The following DCDC1 variants were observed in gnomAD, a reference collection of about 807,000 sequenced individuals.
DCDC1 encodes the protein doublecortin domain containing 1.
In DCDC1, 200 loss-of-function variants were observed where a neutral mutation model predicts 178.3. The observed-to-expected ratio is 1.12, with a 90% CI of 1.00 to 1.26. The LOEUF (loss-of-function observed/expected upper bound fraction) is 1.26. DCDC1 is among the 50% of genes most tolerant of loss of function. The probability of loss-of-function intolerance (pLI) is 0.00; values close to 1 mark genes in which losing one functional copy is unlikely to be tolerated. For synonymous variants in DCDC1, 690 were observed against 604.8 expected (o/e 1.14, Z -2.07); for missense variants, 1,983 against 1,749.2 (o/e 1.13, Z -2.38).
intron 9 of DCDC1, among the ~76,000 whole-genome samples, chr11:31,226,514 T>G (rs560726149): frequency 2.0e-5 from 3 of 150,760 alleles, no homozygotes; most frequent in African/African-American, 7.3e-5. Context: ...AAGTGATCAA[T>G]ATAAATTCTT....
intron 7 of DCDC1, among the ~76,000 whole-genome samples, chr11:31,288,068 A>G (rs995227026): frequency 6.6e-6 from 1 of 151,994 alleles, no homozygotes; most frequent in African/African-American, 2.4e-5. Context: ...TTTTTCATAA[A>G]AGAAATGCTA....
At chr11:31,085,896 A>T (rs976078625) in intron 17 of DCDC1, among the ~76,000 whole-genome samples, 3 of 151,990 alleles carry the variant, frequency 2.0e-5, no homozygotes, top group Non-Finnish European at 2.9e-5. Context: ...TTAGTTAAAA[A>T]TTTTTAATTT....
intron 1 of DCDC1, among the ~76,000 whole-genome samples, chr11:31,342,836 A>T (rs536275936): frequency 6.6e-6 from 1 of 152,354 alleles, no homozygotes; most frequent in Admixed American, 6.5e-5. Flanking sequence ...TTTGAATATA[A>T]CTATTCAAAA....
At chr11:31,215,879 T>A (rs75477688) in intron 9 of DCDC1, among the ~76,000 whole-genome samples, 3,131 of 152,184 alleles carry the variant, frequency 0.021, 96 homozygotes, top group African/African-American at 0.07. Context: ...CCTTTGTTAG[T>A]TTCATAAACA....
chr11:31,118,105 A>G (rs1591107143), intron 11 of DCDC1, among the ~76,000 whole-genome samples: 1 of 152,022 alleles, frequency 6.6e-6, no homozygotes, highest in Non-Finnish European at 1.5e-5. Context: ...CTCAAATTTT[A>G]TTTTACTAGG....
chr11:31,334,965 G>C (rs548274770), intron 2 of DCDC1, among the ~76,000 whole-genome samples: 1 of 152,326 alleles, frequency 6.6e-6, no homozygotes, highest in Non-Finnish European at 1.5e-5. Flanking sequence ...TAAGTCTGCA[G>C]AAGTTTTTGC....
At chr11:31,228,470 T>A (rs891341904) in intron 9 of DCDC1, among the ~76,000 whole-genome samples, 1 of 152,056 alleles carries the variant, frequency 6.6e-6, no homozygotes, top group African/African-American at 2.4e-5. Flanking sequence ...TAGAAAGGTC[T>A]AAATCAATTA....
intron 20 of DCDC1, among the ~76,000 whole-genome samples, chr11:30,985,673 T>C (rs1477473375): frequency 6.6e-6 from 1 of 152,146 alleles, no homozygotes; most frequent in Non-Finnish European, 1.5e-5. Flanking sequence ...TGAGTTGCAC[T>C]GAGGAAGGTG....
At chr11:31,356,992 G>A (rs1296492726) in intron 1 of DCDC1, among the ~76,000 whole-genome samples, 2 of 151,660 alleles carry the variant, frequency 1.3e-5, no homozygotes, top group African/African-American at 4.8e-5. Context: ...ATTCACAGCC[G>A]AATTCTACCA....
intron 21 of DCDC1, among the ~76,000 whole-genome samples, chr11:30,945,584 T>G (rs2134424956): frequency 6.6e-6 from 1 of 151,962 alleles, no homozygotes; most frequent in South Asian, 2.1e-4. Flanking sequence ...TCCCAGCTAC[T>G]TAGGAGGCAG....
At chr11:31,035,899 G>A (rs1406732987) in intron 20 of DCDC1, among the ~76,000 whole-genome samples, 1 of 152,060 alleles carries the variant, frequency 6.6e-6, no homozygotes, top group Non-Finnish European at 1.5e-5. Context: ...TATTTATTCA[G>A]GATGCGTTTA....
At chr11:31,213,242 G>A (rs752026954) in intron 9 of DCDC1, among the ~76,000 whole-genome samples, 1 of 149,092 alleles carries the variant, frequency 6.7e-6, no homozygotes, top group South Asian at 2.1e-4. Flanking sequence ...CAGTCTGGTT[G>A]GATATTTTCT....
intron 33 of DCDC1, 90 bp from the exon 34 acceptor site, chr11:30,899,732 G>T: frequency 1.1e-6 from 1 of 916,880 alleles, no homozygotes; most frequent in Non-Finnish European, 1.5e-6. Flanking sequence ...CAAAGAAATA[G>T]ATTCAATTAG....
At chr11:31,270,848 A>G (rs1415492215) in intron 7 of DCDC1, among the ~76,000 whole-genome samples, 1 of 152,160 alleles carries the variant, frequency 6.6e-6, no homozygotes, top group African/African-American at 2.4e-5. Flanking sequence ...TTTACTACAC[A>G]TAGCTTGCAA....
At chr11:30,916,792 T>C (rs1275930253) in intron 26 of DCDC1, 78 bp downstream of exon 26, 3 of 1,405,698 alleles carry the variant, frequency 2.1e-6, no homozygotes, top group East Asian at 2.5e-5. Context: ...TGAAAACTCT[T>C]GGGAATATAT....
At chr11:31,361,124 CCTAA>C (rs1305414583) in intron 1 of DCDC1, among the ~76,000 whole-genome samples, 1 of 152,058 alleles carries the variant, frequency 6.6e-6, no homozygotes, top group Non-Finnish European at 1.5e-5. Flanking sequence ...TCTGTGAAGG[CCTAA>C]CTTTTACTTT....
At chr11:31,004,607 G>A (rs1161245695) in intron 20 of DCDC1, among the ~76,000 whole-genome samples, 3 of 150,426 alleles carry the variant, frequency 2.0e-5, no homozygotes, top group East Asian at 1.9e-4. Context: ...GGCATATCCC[G>A]GGAGGCGGAG....
chr11:30,888,531 A>G (rs1241869048), intron 36 of DCDC1, among the ~76,000 whole-genome samples: 1 of 152,128 alleles, frequency 6.6e-6, no homozygotes, highest in Admixed American at 6.5e-5. Flanking sequence ...CAGCCTGACC[A>G]ACATGGAGAA....
intron 9 of DCDC1, among the ~76,000 whole-genome samples, chr11:31,225,433 T>TGAC (rs1277374592): frequency 6.6e-6 from 1 of 151,754 alleles, no homozygotes; most frequent in Non-Finnish European, 1.5e-5. Context: ...ACTGCTCAGG[T>TGAC]GACAGGTGCA....
Sources: allele counts gnomAD v4.1 joint callset (sites outside exome capture counted in the v4.1 genomes callset), GRCh38; gene constraint gnomAD v4.1.1; transcripts MANE v1.5; gene names NCBI Gene and HGNC (gene_info 2026-07-23, HGNC 2026-07-21).